FARP1: variants seen among roughly 807,000 people sequenced by gnomAD.
The protein encoded by FARP1 is FERM, ARH/RhoGEF and pleckstrin domain protein 1.
In FARP1, 52 loss-of-function variants were observed where a neutral mutation model predicts 128.8. The ratio of observed to expected loss-of-function variants is 0.40; its 90% CI spans 0.32 to 0.51. FARP1 has a LOEUF of 0.51. Ranked by LOEUF, FARP1 falls within the 20% of genes least tolerant of loss-of-function variation. The probability of loss-of-function intolerance (pLI) is 0.45; values close to 1 mark genes in which losing one functional copy is unlikely to be tolerated. For missense variants in FARP1, 1,333 were observed against 1,367.9 expected, an observed-to-expected ratio of 0.97 and a Z score of 0.40; for synonymous variants, 580 against 551.8, an observed-to-expected ratio of 1.05 and a Z score of -0.72.
intron 1 of FARP1, among the ~76,000 whole-genome samples, chr13:98,154,273 T>C (rs1418727988): frequency 1.3e-5 from 2 of 152,264 alleles, no homozygotes; most frequent in East Asian, 1.9e-4. Flanking sequence ...AAGTTTGATT[T>C]CTCATGGACA....
Position 98,368,194 on chromosome 13 carries a change from A to G in FARP1, c.397A>G (p.Arg133Gly). The G allele has an allele frequency of 6.2e-7, 1 of 1,612,030 alleles. No individual in the cohort carries two copies. Residue 133 changes from arginine (R) to glycine (G), a missense_variant and splice_region_variant, in exon 5 of 27, where the codon AGG (arginine) becomes GGG (glycine). Transcript: ENST00000319562. ...CACACAACTCCAAGAAGAACTCACA[A>G]GGTTAGTGGTTTGGAAACTGTGTAT... ...DHTQLQEELT[R>G]YLFALQVKQD...
At chr13:98,301,930 G>A (rs1205766935) in intron 2 of FARP1, among the ~76,000 whole-genome samples, 1 of 151,872 alleles carries the variant, frequency 6.6e-6, no homozygotes, top group South Asian at 2.1e-4. Context: ...AAACAAAACA[G>A]ATCATCCTGT....
chr13:98,350,563 C>T (rs1888374499), intron 3 of FARP1, among the ~76,000 whole-genome samples: 1 of 152,118 alleles, frequency 6.6e-6, no homozygotes, highest in South Asian at 2.1e-4. Flanking sequence ...GGTTTTGACA[C>T]ATGTTTCTGG....
chr13:98,435,877 G>T lies in FARP1; in HGVS notation c.2274+171G>T, dbSNP rs186790381. 1,768 of 741,036 alleles carry T rather than the reference G, an allele frequency of 2.4e-3. 6 individuals are homozygous for T. The highest frequency in any genetic ancestry group is 3.8e-3 in the Non-Finnish European group (1,557 of 408,150). The allele number at this position is 741,036 out of a possible 1,614,324, so 45.9% of individuals were successfully genotyped here. On this transcript the variant is annotated intron_variant, in intron 19 of 26. Coordinates refer to ENST00000319562, the MANE Select transcript of FARP1 (RefSeq NM_005766.4). ...ACAGTGTCGTTAGTTCAGAATCATTGTGTTCGGAGGAGATAAAGCAATCCT... is the reference window on the plus strand; with the variant it reads ...ACAGTGTCGTTAGTTCAGAATCATTTTGTTCGGAGGAGATAAAGCAATCCT...
At chr13:98,314,358 C>T (rs1442621160) in intron 2 of FARP1, among the ~76,000 whole-genome samples, 2 of 134,126 alleles carry the variant, frequency 1.5e-5, no homozygotes, top group Non-Finnish European at 3.0e-5. Flanking sequence ...CGGCTCACTG[C>T]AACCTCCGTC....
chr13:98,145,562 C>G (rs56375291), intron 1 of FARP1, among the ~76,000 whole-genome samples: 39,898 of 152,014 alleles, frequency 0.26, 6,341 homozygotes, highest in Non-Finnish European at 0.35. Flanking sequence ...TTTTGTTTCA[C>G]TTTTCGTTAA....
intron 1 of FARP1, among the ~76,000 whole-genome samples, chr13:98,190,327 C>CT (rs1184353455): frequency 6.6e-6 from 1 of 152,222 alleles, no homozygotes. Flanking sequence ...TGGTAAAACT[C>CT]TGAGAACTTC....
intron 5 of FARP1, among the ~76,000 whole-genome samples, chr13:98,370,030 G>A (rs1889259190): frequency 6.6e-6 from 1 of 152,260 alleles, no homozygotes; most frequent in Non-Finnish European, 1.5e-5. Context: ...CATGGAAACA[G>A]ACAAAGCGAT....
intron 15 of FARP1, 65 bp downstream of exon 15, chr13:98,410,888 A>C: frequency 1.3e-6 from 1 of 792,352 alleles, no homozygotes; most frequent in South Asian, 1.6e-5. Context: ...ACTCAGCTAT[A>C]CGGGGAGGCT....
chr13:98,439,116 G>C lies in FARP1; in HGVS notation c.2353G>C (p.Val785Leu). ...QQRMFFLFND[V>L]LLYTSRGLTA... ...CTTCTGATTCCTCCAGTTCAACGACGTCCTGCTATACACGAGCCGGGGGCT... is the reference window on the plus strand; with the variant it reads ...CTTCTGATTCCTCCAGTTCAACGACCTCCTGCTATACACGAGCCGGGGGCT... Residue 785 changes from valine to leucine, a missense_variant, in exon 21 of 27, where the codon GTC becomes CTC. Coordinates refer to ENST00000319562, the MANE Select transcript of FARP1 (RefSeq NM_005766.4). The C allele has an allele frequency of 6.2e-7, 1 of 1,613,588 alleles. No individual in the cohort carries two copies. Among genetic ancestry groups the C allele is most frequent in the Non-Finnish European group, 8.5e-7 (1 of 1,179,700 alleles).
rs199957688 is a variant in FARP1 at position 98,208,835 on chromosome 13, ACAG to A, written c.-23-4382_-23-4380del. Among the ~76,000 whole-genome samples, 1,339 of 152,254 alleles carry A rather than the reference ACAG, an allele frequency of 8.8e-3. 17 individuals are homozygous for A. Among genetic ancestry groups the A allele is most frequent in the African/African-American group, 0.03 (1,250 of 41,548 alleles). ...AGGGCCAGCCCTTGTGTCTATGGTG[ACAG>A]CATTAGAGGTTTCATTGCAGAGGAA... On this transcript the variant is annotated intron_variant, in intron 1 of 26. Coordinates refer to ENST00000319562, the MANE Select transcript of FARP1 (RefSeq NM_005766.4).
chr13:98,427,621 C>T (rs931599822), intron 17 of FARP1, among the ~76,000 whole-genome samples: 2 of 152,228 alleles, frequency 1.3e-5, no homozygotes, highest in Non-Finnish European at 2.9e-5. Flanking sequence ...GTGCCAACTC[C>T]CACCACTGCT....
In FARP1 at chr13:98,314,785, C is replaced by T. The variant is rs630192; in HGVS notation, c.172-28977C>T. On this transcript the variant is annotated intron_variant, in intron 2 of 26. Coordinates refer to ENST00000319562, the MANE Select transcript of FARP1 (RefSeq NM_005766.4). ...GAATAACCCAGCTCTTGTGGTCCTG[C>T]GGGACGCATTTCCCAGAGCACCTCT... Among the ~76,000 whole-genome samples, 1,451 of 152,266 alleles carry T rather than the reference C, an allele frequency of 9.5e-3. 23 individuals carry two copies. Among genetic ancestry groups the T allele is most frequent in the African/African-American group, 0.032 (1,348 of 41,538 alleles).
chr13:98,427,935 A>G (rs1269710184), intron 17 of FARP1, among the ~76,000 whole-genome samples: 2 of 152,158 alleles, frequency 1.3e-5, no homozygotes, highest in Non-Finnish European at 2.9e-5. Context: ...TATTGTTTTA[A>G]AGAATTTCTA....
intron 3 of FARP1, among the ~76,000 whole-genome samples, chr13:98,365,047 C>T (rs1326005910): frequency 6.6e-6 from 1 of 152,158 alleles, no homozygotes; most frequent in Admixed American, 6.5e-5. Context: ...AAGGAATGTA[C>T]GTATTTCACT....
intron 2 of FARP1, among the ~76,000 whole-genome samples, chr13:98,313,723 C>G (rs1030415475): frequency 2.0e-5 from 3 of 152,172 alleles, no homozygotes; most frequent in African/African-American, 7.2e-5. Context: ...TAGCATGAGT[C>G]TATCGTCATT....
At chr13:98,414,366 C>G (rs1891300271) in intron 16 of FARP1, among the ~76,000 whole-genome samples, 1 of 150,206 alleles carries the variant, frequency 6.7e-6, no homozygotes, top group South Asian at 2.1e-4. Context: ...ATACACGACA[C>G]TGGTCAGGGA....
chr13:98,398,024 C>G (rs1890620617), intron 13 of FARP1: 1 of 151,882 alleles, frequency 6.6e-6, no homozygotes, highest in Non-Finnish European at 1.5e-5. Flanking sequence ...CAGGGCCTCA[C>G]TGGGCTCATC....
chr13:98,393,539 A>AGG, intron 11 of FARP1, 104 bp from the exon 12 acceptor site: 2 of 802,144 alleles, frequency 2.5e-6, no homozygotes, highest in Non-Finnish European at 4.3e-6. Flanking sequence ...TTATTGAGGA[A>AGG]GGCACTAATA....
Sources: gnomAD v4.1 joint callset for allele counts (sites outside exome capture counted in the v4.1 genomes callset) on GRCh38, gnomAD v4.1.1 for gene constraint, MANE v1.5 for transcripts, NCBI Gene and HGNC (gene_info 2026-07-23, HGNC 2026-07-21) for gene names.